Variants in CSMD2 observed in about 807,000 individuals in gnomAD.
CSMD2 encodes CUB and sushi domain-containing protein 2.
CSMD2 carries 130 observed loss-of-function variants against 398.5 expected under a neutral mutation model. That is an observed-to-expected ratio of 0.33 (90% confidence interval 0.28 to 0.38). The LOEUF (loss-of-function observed/expected upper bound fraction) is 0.38, where lower values mean the gene tolerates loss of function less well. Among genes scored for constraint, CSMD2 ranks in the 10% least tolerant of loss-of-function variants. The pLI is 1.00. For missense variants in CSMD2, 3,829 were observed against 4,764.9 expected (o/e 0.80, Z 5.78); for synonymous variants, 1,828 against 1,908.5 (o/e 0.96, Z 1.10).
At chr1:33,756,245 C>A (rs2149287186) in intron 13 of CSMD2, among the ~76,000 whole-genome samples, 1 of 152,310 alleles carries the variant, frequency 6.6e-6, no homozygotes, top group Admixed American at 6.5e-5. Context: ...AAAGACATTT[C>A]TTCTGAACGC....
At chr1:33,670,596 C>G (rs1425493882) in intron 25 of CSMD2, among the ~76,000 whole-genome samples, 1 of 152,030 alleles carries the variant, frequency 6.6e-6, no homozygotes, top group East Asian at 1.9e-4. Flanking sequence ...TCTAGCCACA[C>G]AGAACCTGGG....
intron 3 of CSMD2, among the ~76,000 whole-genome samples, chr1:33,977,162 A>G (rs1645996740): frequency 6.6e-6 from 1 of 152,052 alleles, no homozygotes; most frequent in African/African-American, 2.4e-5. Context: ...TGCTGGAGGT[A>G]AACAGCTGGC....
chr1:33,848,972 C>G (rs1638502237), intron 5 of CSMD2, among the ~76,000 whole-genome samples: 1 of 152,090 alleles, frequency 6.6e-6, no homozygotes, highest in South Asian at 2.1e-4. Flanking sequence ...GCTGAGGTCT[C>G]AAGAGCAGGA....
intron 12 of CSMD2, among the ~76,000 whole-genome samples, chr1:33,775,587 T>G (rs931530541): frequency 6.6e-6 from 1 of 152,160 alleles, no homozygotes; most frequent in South Asian, 2.1e-4. Flanking sequence ...AGCACTTGGG[T>G]GTACCCTCAC....
At chr1:34,099,956 G>A (rs560292828) in intron 1 of CSMD2, among the ~76,000 whole-genome samples, 1 of 152,304 alleles carries the variant, frequency 6.6e-6, no homozygotes, top group Admixed American at 6.5e-5. Context: ...TGAGAAGGTG[G>A]AAGGCCATTG....
intron 2 of CSMD2, among the ~76,000 whole-genome samples, chr1:34,065,709 C>T (rs1451857010): frequency 6.6e-6 from 1 of 152,126 alleles, no homozygotes; most frequent in Non-Finnish European, 1.5e-5. Context: ...AGCACTGTAC[C>T]CAGGACACAG....
At chr1:33,727,880 T>C (rs1413620716) in intron 15 of CSMD2, among the ~76,000 whole-genome samples, 1 of 152,176 alleles carries the variant, frequency 6.6e-6, no homozygotes, top group African/African-American at 2.4e-5. Flanking sequence ...AGGATGATGA[T>C]GACATCCACT....
At chr1:33,921,547 T>C (rs1414844538) in intron 4 of CSMD2, among the ~76,000 whole-genome samples, 2 of 152,102 alleles carry the variant, frequency 1.3e-5, no homozygotes, top group Non-Finnish European at 2.9e-5. Flanking sequence ...GTCTTGACTG[T>C]ACTGGGGAAA....
chr1:33,740,845 A>G (rs1253552745), intron 14 of CSMD2, among the ~76,000 whole-genome samples: 2 of 152,202 alleles, frequency 1.3e-5, no homozygotes, highest in Non-Finnish European at 2.9e-5. Context: ...GTGCATGCGC[A>G]CACACACAAG....
intron 3 of CSMD2, among the ~76,000 whole-genome samples, chr1:33,941,858 C>G (rs1395793617): frequency 1.3e-5 from 2 of 151,630 alleles, no homozygotes; most frequent in African/African-American, 4.8e-5. Context: ...TATAATTATA[C>G]ATTTTATATA....
chr1:33,678,077 CT>C (rs1029791429), intron 25 of CSMD2, among the ~76,000 whole-genome samples: 1 of 151,374 alleles, frequency 6.6e-6, no homozygotes, highest in African/African-American at 2.4e-5. Flanking sequence ...CCTGCACGTT[CT>C]GCACATATAC....
chr1:34,100,773 A>T (rs533356986), intron 1 of CSMD2, among the ~76,000 whole-genome samples: 50 of 152,308 alleles, frequency 3.3e-4, no homozygotes, highest in South Asian at 2.5e-3. Flanking sequence ...TGTAAATAAG[A>T]CCTGGACCCT....
intron 58 of CSMD2, among the ~76,000 whole-genome samples, chr1:33,542,067 C>A (rs945997094): frequency 1.3e-5 from 2 of 152,150 alleles, no homozygotes; most frequent in Non-Finnish European, 2.9e-5. Flanking sequence ...GAACTTGACA[C>A]GGGATTTCAG....
At chr1:33,557,989 AG>A in intron 54 of CSMD2, 67 bp from the exon 55 acceptor site, 1 of 1,408,386 alleles carries the variant, frequency 7.1e-7, no homozygotes, top group Non-Finnish European at 9.6e-7. Context: ...GAGCAAAACT[AG>A]GCAATGAAGC....
At chr1:33,870,816 T>G (rs1020684611) in intron 5 of CSMD2, 5 of 152,158 alleles carry the variant, frequency 3.3e-5, no homozygotes, top group African/African-American at 1.2e-4. Context: ...TCACTTCTGA[T>G]GTTAGGCTAT....
chr1:33,570,296 T>C (rs1037826653), intron 51 of CSMD2, among the ~76,000 whole-genome samples: 6 of 151,346 alleles, frequency 4.0e-5, no homozygotes, highest in Admixed American at 6.6e-5. Context: ...GCCTCCCAAG[T>C]AGCTGGGATT....
intron 12 of CSMD2, among the ~76,000 whole-genome samples, chr1:33,778,236 C>A (rs980048502): frequency 2.1e-4 from 32 of 152,212 alleles, no homozygotes; most frequent in African/African-American, 6.7e-4. Context: ...TGCTCTGTTG[C>A]CCAAACTGGA....
intron 3 of CSMD2, among the ~76,000 whole-genome samples, chr1:33,964,742 A>C (rs1051965483): frequency 2.6e-5 from 4 of 152,000 alleles, no homozygotes; most frequent in Non-Finnish European, 1.5e-5. Flanking sequence ...TCCTGGCCCT[A>C]GATGGTTGAG....
intron 42 of CSMD2, 81 bp downstream of exon 42, chr1:33,605,201 G>T: frequency 7.6e-7 from 1 of 1,316,522 alleles, no homozygotes; most frequent in Non-Finnish European, 1.1e-6. Flanking sequence ...CACAGAGCAG[G>T]TAGGTGGAAC....
Sources: allele counts gnomAD v4.1 joint callset (sites outside exome capture counted in the v4.1 genomes callset), GRCh38; gene constraint gnomAD v4.1.1; transcripts MANE v1.5; gene names NCBI Gene and HGNC (gene_info 2026-07-23, HGNC 2026-07-21).